Variants in ZNF280D observed in about 807,000 individuals in gnomAD.
The protein encoded by ZNF280D is suppressor of hairy wing homolog 4.
ZNF280D carries 39 observed loss-of-function variants against 94.7 expected under a neutral mutation model. That is an observed-to-expected ratio of 0.41 (90% CI 0.32 to 0.54). The LOEUF (loss-of-function observed/expected upper bound fraction) is 0.54, where lower values mean the gene tolerates loss of function less well. Among genes scored for constraint, ZNF280D ranks in the 20% least tolerant of loss-of-function variants. The pLI, the probability that ZNF280D is intolerant of heterozygous loss-of-function variation, is 0.22. For synonymous variants in ZNF280D, 398 were observed against 377.6 expected (o/e 1.05, Z -0.63); for missense variants, 1,090 against 1,149.3 (o/e 0.95, Z 0.75).
At chr15:56,647,306 T>C (rs2052949259) in intron 19 of ZNF280D, among the ~76,000 whole-genome samples, 1 of 152,088 alleles carries the variant, frequency 6.6e-6, no homozygotes, top group Non-Finnish European at 1.5e-5. Context: ...TAAAGGTAAA[T>C]GTGGAGAACA....
intron 14 of ZNF280D, chr15:56,668,273 T>G (rs150515652): frequency 7.1e-5 from 28 of 394,602 alleles, no homozygotes; most frequent in African/African-American, 4.3e-4. Flanking sequence ...AAAACAGATG[T>G]ACATAAGGCA....
At chr15:56,716,475 T>C (rs1451350787) in intron 1 of ZNF280D, among the ~76,000 whole-genome samples, 3 of 114,816 alleles carry the variant, frequency 2.6e-5, no homozygotes, top group African/African-American at 1.0e-4. Context: ...AGCCAGCAAA[T>C]ATGAAAAGCT....
Position 56,689,030 on chromosome 15 carries a change from A to G in ZNF280D, c.780+11T>C. 5.8e-6 allele frequency: 9 copies of G among 1,560,932 alleles called. No homozygotes were observed. The highest frequency in any genetic ancestry group is 7.8e-6 in the Non-Finnish European group (9 of 1,148,990). The stretch of plus-strand genomic sequence containing the variant: ...AAACTTTTTACAAATTAAATTTTGA[A>G]AGAGTTTTACCTTCATGTGATTTTT... On this transcript the variant is annotated intron_variant, in intron 9 of 21. Coordinates refer to ENST00000267807, the MANE Select transcript of ZNF280D (RefSeq NM_017661.4).
At chr15:56,697,227 C>G (rs1295710495) in intron 6 of ZNF280D, among the ~76,000 whole-genome samples, 6 of 152,204 alleles carry the variant, frequency 3.9e-5, no homozygotes, top group African/African-American at 1.4e-4. Flanking sequence ...CTCTGTCACC[C>G]AGGCTGGAGT....
rs2054485616 is a variant in ZNF280D, at chr15:56,668,925, C to T, written c.1443G>A (p.Arg481=). The part of the protein sequence containing the change: ...KKGIHRCTKC[R]LQFLTCKEKM... ...TCTCCTTGCATGTCAAAAACTGCAG[C>T]CTGCATTTTGTACAACGATGTATTC... The change falls in exon 14 of 22, where the codon AGG becomes AGA. Residue 481 remains arginine, a synonymous_variant. Coordinates refer to ENST00000267807, the MANE Select transcript of ZNF280D (RefSeq NM_017661.4). 1 of 1,611,570 alleles carries T rather than the reference C, an allele frequency of 6.2e-7. No individual in the cohort carries two copies. Among genetic ancestry groups the T allele is most frequent in the Non-Finnish European group, 8.5e-7 (1 of 1,178,826 alleles).
chr15:56,730,341 T>C (rs1404763367), intron 1 of ZNF280D: 1 of 152,238 alleles, frequency 6.6e-6, no homozygotes, highest in Non-Finnish European at 1.5e-5. Context: ...ATGTCGTAAG[T>C]ATTCCTCATC....
intron 3 of ZNF280D, 136 bp downstream of exon 3, chr15:56,706,946 T>C: frequency 2.7e-6 from 2 of 744,566 alleles, no homozygotes; most frequent in East Asian, 2.7e-5. Flanking sequence ...CTTGTTTTTA[T>C]GTGAACATTT....
rs1421310661 is a variant in ZNF280D at position 56,669,921 on chromosome 15, T to A, written c.1411-964A>T. On this transcript the variant is annotated intron_variant, in intron 13 of 21. Transcript: ENST00000267807. ...ATATATAATATATATATATTATATATATATTATATATATATTATATATATA... is the reference window on the plus strand; with the variant it reads ...ATATATAATATATATATATTATATAAATATTATATATATATTATATATATA... Among the ~76,000 whole-genome samples the A allele has an allele frequency of 6.3e-4, 5 of 7,948 alleles. 1 individual carries two copies. The highest frequency in any genetic ancestry group is 1.9e-3 in the African/African-American group (5 of 2,642). The allele number at this position is 7,948 out of a possible 152,430, so 5.2% of individuals were successfully genotyped here. A position where few individuals can be genotyped will look rare whatever the true frequency, so the allele number is the denominator to read the frequency against.
At chr15:56,695,224 C>A (rs536393326) in intron 6 of ZNF280D, among the ~76,000 whole-genome samples, 2 of 152,088 alleles carry the variant, frequency 1.3e-5, no homozygotes, top group South Asian at 4.1e-4. Context: ...AGGCTCATGC[C>A]ACCACACCCA....
intron 19 of ZNF280D, among the ~76,000 whole-genome samples, chr15:56,648,687 A>T (rs1465630676): frequency 6.6e-6 from 1 of 152,174 alleles, no homozygotes; most frequent in Non-Finnish European, 1.5e-5. Flanking sequence ...TCTCACAAAT[A>T]TGTGAGAATT....
chr15:56,663,924 G>A (rs1451234339), intron 16 of ZNF280D, among the ~76,000 whole-genome samples: 1 of 151,962 alleles, frequency 6.6e-6, no homozygotes, highest in Non-Finnish European at 1.5e-5. Context: ...AAGAAGAAAT[G>A]AAGAAATGAT....
At chr15:56,681,361 A>T (rs570294986) in intron 10 of ZNF280D, among the ~76,000 whole-genome samples, 1 of 152,342 alleles carries the variant, frequency 6.6e-6, no homozygotes, top group Non-Finnish European at 1.5e-5. Context: ...AACACAATGC[A>T]GATTACCTTG....
chr15:56,654,502 C>A lies in ZNF280D; in HGVS notation c.2059G>T (p.Gly687Cys). ...CAATTAAGGCACACTAGAGTAATGC[C>A]CCTAAAAAAAAAAGCATTAAAAAAA... The part of the protein sequence containing the change: ...IFKKHSENLR[G>C]ITLVCLNCDF... The change falls in exon 18 of 22, where the codon GGC becomes TGC. Residue 687 changes from glycine to cysteine, a missense_variant and splice_region_variant. Physicochemically the swap from Gly to Cys is radical, Grantham distance 159. Transcript: ENST00000267807. 1.9e-6 allele frequency: 3 copies of A among 1,565,768 alleles called. No individual in the cohort carries two copies. Among genetic ancestry groups the A allele is most frequent in the Non-Finnish European group, 2.6e-6 (3 of 1,164,660 alleles).
intron 14 of ZNF280D, 60 bp downstream of exon 14, chr15:56,668,763 G>A (rs1219005590): frequency 1.3e-5 from 18 of 1,416,128 alleles, no homozygotes; most frequent in South Asian, 7.0e-5. Flanking sequence ...ATATAAAGCC[G>A]GGCAGGAGTT....
At chr15:56,688,844 T>C (rs189499662) in intron 9 of ZNF280D, 197 bp downstream of exon 9, 49 of 369,672 alleles carry the variant, frequency 1.3e-4, no homozygotes, top group South Asian at 7.8e-5. Context: ...TTATAATATA[T>C]ACAAATTTAA....
intron 7 of ZNF280D, 21 bp downstream of exon 7, chr15:56,693,077 G>C (rs1596525560): frequency 6.9e-7 from 1 of 1,451,788 alleles, no homozygotes; most frequent in Non-Finnish European, 9.6e-7. Context: ...TAACCTTTAT[G>C]AAAAAAATAC....
At chr15:56,654,325 T>C (rs1287721655) in intron 18 of ZNF280D, 60 bp downstream of exon 18, 14 of 1,596,456 alleles carry the variant, frequency 8.8e-6, no homozygotes, top group Non-Finnish European at 1.2e-5. Context: ...ATATTGTGGA[T>C]GACCAAAAAT....
At chr15:56,729,473 G>A (rs2058783004) in intron 1 of ZNF280D, among the ~76,000 whole-genome samples, 1 of 152,158 alleles carries the variant, frequency 6.6e-6, no homozygotes, top group African/African-American at 2.4e-5. Context: ...TCTCAGCTCA[G>A]TGCATTCTCA....
intron 20 of ZNF280D, among the ~76,000 whole-genome samples, chr15:56,637,289 C>T (rs1033388848): frequency 3.9e-5 from 6 of 152,016 alleles, no homozygotes; most frequent in South Asian, 2.1e-4. Context: ...CCTCTCACCT[C>T]AGTCTCCTGA....
Sources: gnomAD v4.1 joint callset for allele counts (sites outside exome capture counted in the v4.1 genomes callset) on GRCh38, gnomAD v4.1.1 for gene constraint, MANE v1.5 for transcripts, NCBI Gene and HGNC (gene_info 2026-07-23, HGNC 2026-07-21) for gene names.